The following CDO1 variants were observed in gnomAD, a reference collection of about 807,000 sequenced individuals.
CDO1 encodes cysteine dioxygenase, type I.
A neutral mutation model predicts 24.5 loss-of-function variants in CDO1; 19 were observed. The ratio of observed to expected loss-of-function variants is 0.77; its 90% CI spans 0.54 to 1.14. CDO1 has a LOEUF of 1.14. CDO1 is among the 50% of genes most tolerant of loss of function. The pLI is 0.00. For synonymous variants in CDO1, 91 were observed against 87.0 expected, an observed-to-expected ratio of 1.05 and a Z score of -0.26; for missense variants, 244 against 244.8, an observed-to-expected ratio of 1.00 and a Z score of 0.02.
At chr5:115,816,206 A>G in intron 1 of CDO1, 22 bp downstream of exon 1, 1 of 1,603,948 alleles carries the variant, frequency 6.2e-7, no homozygotes, top group Non-Finnish European at 8.5e-7. Context: ...GCCGCCTGGC[A>G]TTGAAGCTGC....
rs960007211 is a variant in CDO1, at chr5:115,805,065, T to C, written c.*368A>G. ...AGGTAACAAAGCAAACATTTGACGT[T>C]TGACGTTTCTGTTTTTACTTCTTGC... On this transcript the variant is annotated 3_prime_UTR_variant, in exon 5 of 5. Transcript: ENST00000250535. 1 of 192,584 alleles carries C rather than the reference T, an allele frequency of 5.2e-6. No individual in the cohort carries two copies. The highest frequency in any genetic ancestry group is 2.3e-5 in the African/African-American group (1 of 42,986). The allele number at this position is 192,584 out of a possible 1,614,324, so 11.9% of individuals were successfully genotyped here.
chr5:115,815,650 C>G (rs1760397826), intron 1 of CDO1, among the ~76,000 whole-genome samples: 1 of 152,188 alleles, frequency 6.6e-6, no homozygotes, highest in South Asian at 2.1e-4. Context: ...CTATAAGGTG[C>G]CCGGTTGCAG....
At chr5:115,813,698 A>G (rs572812565) in intron 1 of CDO1, among the ~76,000 whole-genome samples, 1 of 151,986 alleles carries the variant, frequency 6.6e-6, no homozygotes, top group Admixed American at 6.6e-5. Flanking sequence ...TAGCTGTTCT[A>G]GAATTCTTAG....
chr5:115,809,911 C>G (rs1760111559), intron 3 of CDO1, among the ~76,000 whole-genome samples: 1 of 152,136 alleles, frequency 6.6e-6, no homozygotes. Context: ...TTGTATACTC[C>G]AGTTCATACC....
At chr5:115,813,382 T>G (rs1760283468) in intron 1 of CDO1, 124 bp from the exon 2 acceptor site, 1 of 565,234 alleles carries the variant, frequency 1.8e-6, no homozygotes, top group Non-Finnish European at 3.2e-6. Flanking sequence ...TAAGCAACTT[T>G]GAATGCAGTT....
rs1048756295 is a variant in CDO1, at chr5:115,805,336, T to C, written c.*97A>G. The C allele has an allele frequency of 9.8e-7, 1 of 1,017,088 alleles. No homozygotes were observed. 63.0% of individuals were successfully genotyped at this position (1,017,088 alleles called of 1,614,324 possible). A position where few individuals can be genotyped will look rare whatever the true frequency, so the allele number is the denominator to read the frequency against. ...CAGTAGATCTAAGTATTGGCTTATT[T>C]AAGTATATTACTGGATAGCACGTGG... On this transcript the variant is annotated 3_prime_UTR_variant, in exon 5 of 5. Coordinates refer to ENST00000250535, the MANE Select transcript of CDO1 (RefSeq NM_001801.3).
chr5:115,816,455 G>A lies in CDO1; in HGVS notation c.-58C>T. 2 of 1,589,246 alleles carry A rather than the reference G, an allele frequency of 1.3e-6. No individual in the cohort carries two copies. Among genetic ancestry groups the A allele is most frequent in the South Asian group, 2.2e-5 (2 of 89,508 alleles). On this transcript the variant is annotated 5_prime_UTR_variant, in exon 1 of 5. Coordinates refer to ENST00000250535, the MANE Select transcript of CDO1 (RefSeq NM_001801.3). The stretch of plus-strand genomic sequence containing the variant: ...TGCTGGGCTGCGGTGGAGGAGCTGA[G>A]CGAGCCAAGGAGCTGGGGGCGAGGG...
chr5:115,812,681 T>G (rs1164184942), intron 2 of CDO1, among the ~76,000 whole-genome samples: 1 of 152,184 alleles, frequency 6.6e-6, no homozygotes, highest in Non-Finnish European at 1.5e-5. Flanking sequence ...ATATGTGTAG[T>G]GTATGCCTGA....
intron 1 of CDO1, 36 bp from the exon 2 acceptor site, chr5:115,813,294 C>T (rs780632515): frequency 1.4e-5 from 17 of 1,181,714 alleles, no homozygotes; most frequent in East Asian, 1.2e-4. Context: ...GTTTTAAGTT[C>T]GTTGCTGAAA....
intron 1 of CDO1, 81 bp downstream of exon 1, chr5:115,816,147 T>G: frequency 1.4e-6 from 2 of 1,386,630 alleles, no homozygotes; most frequent in Non-Finnish European, 2.0e-6. Context: ...GCCAGTCACT[T>G]TGGGCTGCGT....
intron 1 of CDO1, among the ~76,000 whole-genome samples, chr5:115,815,337 T>A (rs949541994): frequency 1.3e-5 from 2 of 152,140 alleles, no homozygotes; most frequent in Non-Finnish European, 2.9e-5. Flanking sequence ...AGATTCGACT[T>A]AATCACCAAG....
intron 1 of CDO1, among the ~76,000 whole-genome samples, chr5:115,815,801 G>GT (rs1760406291): frequency 6.6e-6 from 1 of 152,232 alleles, no homozygotes; most frequent in Admixed American, 6.5e-5. Flanking sequence ...AAGGTGTCAG[G>GT]AGGGCCCGAA....
Position 115,813,153 on chromosome 5 carries a change from A to C in CDO1, c.248+28T>G, listed in dbSNP as rs201405160. On this transcript the variant is annotated intron_variant, in intron 2 of 4. Transcript: ENST00000250535. Reference sequence around the variant, plus strand: ...ATATGCTAGAAAACATGCTCTAATAAATATCTGTGAATGAATAGTTATTTT... The same window carrying C: ...ATATGCTAGAAAACATGCTCTAATACATATCTGTGAATGAATAGTTATTTT... 41 of 1,322,516 alleles carry C rather than the reference A, an allele frequency of 3.1e-5. No individual in the cohort carries two copies. In the Admixed American group the frequency reaches 7.0e-4, roughly 22 times the overall value. 81.9% of individuals were successfully genotyped at this position (1,322,516 alleles called of 1,614,324 possible).
In CDO1 at chr5:115,815,052, A is replaced by G. The variant is rs184058230; in HGVS notation, c.170+1176T>C. Among the ~76,000 whole-genome samples the G allele has an allele frequency of 5.3e-5, 8 of 152,326 alleles. No homozygotes were observed. In the East Asian group the frequency reaches 1.5e-3, roughly 29 times the overall value. On this transcript the variant is annotated intron_variant, in intron 1 of 4. Coordinates refer to ENST00000250535, the MANE Select transcript of CDO1 (RefSeq NM_001801.3). ...AAAAATGGGATCCTTAGTGGTCTTC[A>G]CTTTTTCTATTTCAAATCCTAAAAT... is the stretch of plus-strand genomic sequence containing the variant.
rs188834484 is a variant in CDO1 at position 115,812,199 on chromosome 5, A to G, written c.249-884T>C. Among the ~76,000 whole-genome samples the G allele has an allele frequency of 3.3e-5, 5 of 152,344 alleles. No homozygotes were observed. The East Asian group carries it at 7.7e-4, about 23-fold the overall frequency. ...AGAATGAATGGAAACACTTCATTCC[A>G]TATGAGTAAATAAATGCACTCTACA... On this transcript the variant is annotated intron_variant, in intron 2 of 4. Coordinates refer to ENST00000250535, the MANE Select transcript of CDO1 (RefSeq NM_001801.3).
At chr5:115,805,675 C>T (rs1454879620) in intron 4 of CDO1, among the ~76,000 whole-genome samples, 1 of 152,200 alleles carries the variant, frequency 6.6e-6, no homozygotes, top group African/African-American at 2.4e-5. Flanking sequence ...TCTGCCCTGG[C>T]TTCCCTCAGA....
rs1760051578 is a variant in CDO1 at position 115,808,603 on chromosome 5, C to T, written c.404-2085G>A. On this transcript the variant is annotated intron_variant, in intron 3 of 4. Coordinates refer to ENST00000250535, the MANE Select transcript of CDO1 (RefSeq NM_001801.3). ...AAAGCTTGAGAGAATGTAAGCCTTA[C>T]ATTGTAAGGAATCTCAGGATCACAG... Among the ~76,000 whole-genome samples the T allele has an allele frequency of 2.0e-5, 3 of 152,050 alleles. No individual in the cohort carries two copies. In the South Asian group the frequency reaches 6.2e-4, roughly 32 times the overall value.
At chr5:115,808,568 C>T (rs1401559433) in intron 3 of CDO1, among the ~76,000 whole-genome samples, 1 of 151,940 alleles carries the variant, frequency 6.6e-6, no homozygotes, top group Non-Finnish European at 1.5e-5. Flanking sequence ...CCACAGGAAA[C>T]AGCAAAGGGA....
At chr5:115,815,302 C>T (rs963059345) in intron 1 of CDO1, among the ~76,000 whole-genome samples, 14 of 152,124 alleles carry the variant, frequency 9.2e-5, no homozygotes, top group Non-Finnish European at 1.6e-4. Flanking sequence ...TAAATTTTAC[C>T]TCTGGCCCCG....
Sources: gnomAD v4.1 joint callset for allele counts (sites outside exome capture counted in the v4.1 genomes callset) on GRCh38, gnomAD v4.1.1 for gene constraint, MANE v1.5 for transcripts, NCBI Gene and HGNC (gene_info 2026-07-23, HGNC 2026-07-21) for gene names.